ARHGAP10: variants seen among roughly 807,000 people sequenced by gnomAD.
ARHGAP10 encodes Rho GTPase activating protein 10.
Under a neutral mutation model 108.6 loss-of-function variants are expected in ARHGAP10, and 87 were observed. The ratio of observed to expected loss-of-function variants is 0.80; its 90% CI spans 0.67 to 0.96. The LOEUF is 0.96. Among genes scored for constraint, ARHGAP10 ranks in the 40% least tolerant of loss-of-function variants. The pLI, the probability that ARHGAP10 is intolerant of heterozygous loss-of-function variation, is 0.00. For synonymous variants in ARHGAP10, 347 were observed against 341.1 expected (o/e 1.02, Z -0.19); for missense variants, 939 against 954.5 (o/e 0.98, Z 0.21).
intron 1 of ARHGAP10, among the ~76,000 whole-genome samples, chr4:147,804,226 CT>C (rs1382997549): frequency 6.6e-6 from 1 of 152,068 alleles, no homozygotes; most frequent in Non-Finnish European, 1.5e-5. Flanking sequence ...CAGTGTTTAG[CT>C]TCCACATATA....
chr4:147,824,617 A>T (rs1467121461), intron 3 of ARHGAP10, among the ~76,000 whole-genome samples: 1 of 151,968 alleles, frequency 6.6e-6, no homozygotes, highest in Non-Finnish European at 1.5e-5. Flanking sequence ...AAGGCAAAGG[A>T]GAAGCTGGCA....
intron 3 of ARHGAP10, among the ~76,000 whole-genome samples, chr4:147,842,613 C>T (rs1332774367): frequency 1.3e-5 from 2 of 152,226 alleles, no homozygotes; most frequent in East Asian, 3.9e-4. Flanking sequence ...TTGCTGTTTT[C>T]CCCTCTCCAC....
intron 18 of ARHGAP10, among the ~76,000 whole-genome samples, chr4:148,020,878 T>A (rs1578798076): frequency 1.3e-5 from 2 of 152,208 alleles, no homozygotes; most frequent in Admixed American, 6.5e-5. Flanking sequence ...ATCACCACAT[T>A]GTCTTCCACA....
intron 18 of ARHGAP10, among the ~76,000 whole-genome samples, chr4:148,013,083 A>G (rs1157246840): frequency 6.6e-6 from 1 of 152,232 alleles, no homozygotes; most frequent in Non-Finnish European, 1.5e-5. Context: ...TATAAATTTT[A>G]GAAACAGTAA....
Position 147,996,627 on chromosome 4 carries a change from G to A in ARHGAP10, c.1717-26636G>A, listed in dbSNP as rs185569277. Among the ~76,000 whole-genome samples the A allele has an allele frequency of 6.6e-5, 10 of 152,354 alleles. No homozygotes were observed. In the East Asian group the frequency reaches 1.9e-3, roughly 29 times the overall value. On this transcript the variant is annotated intron_variant, in intron 18 of 22. Coordinates refer to ENST00000336498, the MANE Select transcript of ARHGAP10 (RefSeq NM_024605.4). The stretch of plus-strand genomic sequence containing the variant: ...CAGCAATGAGGGCAATGACCAGGCT[G>A]CATAGATGCCTGGCTGAATCCTCAT...
At chr4:147,909,183 A>G (rs904363288) in intron 11 of ARHGAP10, among the ~76,000 whole-genome samples, 2 of 152,224 alleles carry the variant, frequency 1.3e-5, no homozygotes, top group Non-Finnish European at 2.9e-5. Flanking sequence ...AGTACATTAT[A>G]AAAGTTACAA....
rs185806723 is a variant in ARHGAP10, at chr4:147,746,830, G to A, written c.154+14375G>A. 3.0e-4 allele frequency among the ~76,000 whole-genome samples: 46 copies of A among 152,258 alleles called. No homozygotes were observed. The East Asian group carries it at 8.5e-3, about 28-fold the overall frequency. On this transcript the variant is annotated intron_variant, in intron 1 of 22. Transcript: ENST00000336498. ...AATTGTAGATTTATGGCAGGACATC[G>A]AGGAAACTGTCAACTGATGGATTTA...
chr4:148,028,437 T>G (rs1727980740), intron 19 of ARHGAP10, among the ~76,000 whole-genome samples: 1 of 152,212 alleles, frequency 6.6e-6, no homozygotes, highest in Non-Finnish European at 1.5e-5. Flanking sequence ...AAATCTATTT[T>G]ATTAGCTACA....
Position 147,798,722 on chromosome 4 carries a change from A to ACTCT in ARHGAP10, c.155-24004_155-24003insTCTC, listed in dbSNP as rs1491305896. On this transcript the variant is annotated intron_variant, in intron 1 of 22. Transcript: ENST00000336498. Reference sequence around the variant, plus strand: ...CATTACGTGAGGTCAGGAGTTTGAGACACTCTCTCTCTCTCTCTCTCTCTC... The same window carrying ACTCT: ...CATTACGTGAGGTCAGGAGTTTGAGACTCTCACTCTCTCTCTCTCTCTCTCTCTC... Among the ~76,000 whole-genome samples, 43 of 107,432 alleles carry ACTCT rather than the reference A, an allele frequency of 4.0e-4. 6 individuals carry two copies. Among genetic ancestry groups the ACTCT allele is most frequent in the East Asian group, 1.7e-3 (6 of 3,618 alleles). 70.5% of individuals were successfully genotyped at this position (107,432 alleles called of 152,430 possible).
Position 147,822,908 on chromosome 4 carries a change from G to T in ARHGAP10, c.263G>T (p.Arg88Leu). ...TTTCTTCTTACAGATGCTTCCTTAC[G>T]TGAATTTTCAAATTTTTTGAAGAAT... ...DDERCIDASL[R>L]EFSNFLKNLE... Residue 88 changes from arginine to leucine, a missense_variant, in exon 3 of 23, where the codon CGT (arginine) becomes CTT (leucine). Physicochemically the swap from Arg to Leu is moderately radical, Grantham distance 102. Transcript: ENST00000336498. The T allele has an allele frequency of 1.2e-6, 2 of 1,614,008 alleles. No homozygotes were observed. Among genetic ancestry groups the T allele is most frequent in the Non-Finnish European group, 1.7e-6 (2 of 1,179,932 alleles).
At chr4:147,814,051 A>G (rs1015361835) in intron 1 of ARHGAP10, among the ~76,000 whole-genome samples, 4 of 152,076 alleles carry the variant, frequency 2.6e-5, no homozygotes, top group Admixed American at 2.6e-4. Context: ...GAAATTTGCA[A>G]ATCTGGACCC....
At chr4:148,032,613 G>T in intron 19 of ARHGAP10, among the ~76,000 whole-genome samples, 1 of 152,046 alleles carries the variant, frequency 6.6e-6, no homozygotes, top group Non-Finnish European at 1.5e-5. Flanking sequence ...GAATGAATAA[G>T]ATAGATGTAT....
intron 1 of ARHGAP10, among the ~76,000 whole-genome samples, chr4:147,761,315 C>T (rs549708172): frequency 2.0e-5 from 3 of 152,210 alleles, no homozygotes; most frequent in South Asian, 2.1e-4. Context: ...CTGCACCCGG[C>T]GTAATCTCTA....
chr4:147,745,077 GAGAA>G (rs1413687208), intron 1 of ARHGAP10, among the ~76,000 whole-genome samples: 1 of 152,112 alleles, frequency 6.6e-6, no homozygotes, highest in Non-Finnish European at 1.5e-5. Context: ...AAAAGCCAAG[GAGAA>G]AGAGTGTTCA....
intron 1 of ARHGAP10, among the ~76,000 whole-genome samples, chr4:147,739,502 C>T (rs9997304): frequency 0.024 from 3,697 of 152,160 alleles, 149 homozygotes; most frequent in African/African-American, 0.084. Context: ...GACGTGAACT[C>T]AAAATTAGGG....
chr4:147,736,203 G>A (rs1466332406), intron 1 of ARHGAP10, among the ~76,000 whole-genome samples: 1 of 151,794 alleles, frequency 6.6e-6, no homozygotes, highest in Admixed American at 6.6e-5. Context: ...AAACATGCAT[G>A]GAAAAGGATG....
intron 19 of ARHGAP10, among the ~76,000 whole-genome samples, chr4:148,031,332 T>C (rs1229367920): frequency 6.6e-6 from 1 of 152,214 alleles, no homozygotes; most frequent in African/African-American, 2.4e-5. Context: ...TAGCATATTA[T>C]ATACCAAGTA....
At chr4:147,851,376 C>A (rs1166979514) in intron 4 of ARHGAP10, among the ~76,000 whole-genome samples, 4 of 151,982 alleles carry the variant, frequency 2.6e-5, no homozygotes, top group Non-Finnish European at 5.9e-5. Flanking sequence ...CCATGCATGG[C>A]TAATTTTAAA....
rs539905071 is a variant in ARHGAP10 at position 148,037,093 on chromosome 4, T to TGGTC, written c.1868-9798_1868-9795dup. On this transcript the variant is annotated intron_variant, in intron 19 of 22. Transcript: ENST00000336498. Reference sequence around the variant, plus strand: ...CAGTCTTATGGTAACTTTGGGGATCTGGTCACCCAGTTTCTGAAAGCTAAT... The same window carrying TGGTC: ...CAGTCTTATGGTAACTTTGGGGATCTGGTCGGTCACCCAGTTTCTGAAAGCTAAT... 6.6e-5 allele frequency among the ~76,000 whole-genome samples: 10 copies of TGGTC among 152,340 alleles called. No homozygotes were observed. In the South Asian group the frequency reaches 2.1e-3, roughly 32 times the overall value.
Sources: allele counts gnomAD v4.1 joint callset (sites outside exome capture counted in the v4.1 genomes callset), GRCh38; gene constraint gnomAD v4.1.1; transcripts MANE v1.5; gene names NCBI Gene and HGNC (gene_info 2026-07-23, HGNC 2026-07-21).